FSD1L: variants seen among roughly 807,000 people sequenced by gnomAD.
The protein encoded by FSD1L is fibronectin type III and SPRY domain containing 1 like, also known as FSD1-like protein.
In FSD1L, 45 loss-of-function variants were observed where a neutral mutation model predicts 71.6. The observed-to-expected ratio is 0.63, with a 90% CI of 0.49 to 0.81. The LOEUF (loss-of-function observed/expected upper bound fraction) is 0.81. FSD1L is among the 30% of genes least tolerant of loss of function. The probability of loss-of-function intolerance (pLI) is 0.00; values close to 1 mark genes in which losing one functional copy is unlikely to be tolerated. For synonymous variants in FSD1L, 197 were observed against 207.2 expected (o/e 0.95, Z 0.42); for missense variants, 561 against 618.1 (o/e 0.91, Z 0.98).
At chr9:105,473,809 C>T (rs1047586592) in intron 5 of FSD1L, among the ~76,000 whole-genome samples, 1 of 152,188 alleles carries the variant, frequency 6.6e-6, no homozygotes, top group African/African-American at 2.4e-5. Flanking sequence ...TGTCTTCTTT[C>T]TCCCAAATGC....
intron 10 of FSD1L, among the ~76,000 whole-genome samples, chr9:105,533,254 GTT>G (rs1044430601): frequency 2.0e-5 from 3 of 151,642 alleles, no homozygotes; most frequent in African/African-American, 7.3e-5. Flanking sequence ...TCTGTTTTGA[GTT>G]TTTGAATGTT....
At chr9:105,460,158 C>T (rs540578937) in intron 1 of FSD1L, among the ~76,000 whole-genome samples, 1 of 152,162 alleles carries the variant, frequency 6.6e-6, no homozygotes, top group Non-Finnish European at 1.5e-5. Flanking sequence ...ATATCATTCC[C>T]CTAAAGGCTT....
intron 10 of FSD1L, among the ~76,000 whole-genome samples, chr9:105,514,030 A>C (rs574175581): frequency 3.9e-5 from 6 of 152,314 alleles, no homozygotes; most frequent in African/African-American, 1.4e-4. Context: ...CTGTTTTATA[A>C]TAATTAGGCA....
rs555281082 is a variant in FSD1L at position 105,533,971 on chromosome 9, C to T, written c.1026-522C>T. ...CTCCCGACCTCAGGTGATCCTCCTG[C>T]CTTGGCGCCTCCCAAAGTGCTGGGA... On this transcript the variant is annotated intron_variant, in intron 10 of 13. Coordinates refer to ENST00000481272, the MANE Select transcript of FSD1L (RefSeq NM_001145313.3). 1.5e-4 allele frequency among the ~76,000 whole-genome samples: 23 copies of T among 152,254 alleles called. No homozygotes were observed. The South Asian group carries it at 4.3e-3, about 29-fold the overall frequency.
chr9:105,530,771 A>G, intron 10 of FSD1L: 1 of 516,052 alleles, frequency 1.9e-6, no homozygotes, highest in South Asian at 2.9e-5. Flanking sequence ...GTTGACAATC[A>G]TTGATTTATT....
intron 7 of FSD1L, among the ~76,000 whole-genome samples, chr9:105,492,942 G>C (rs984069052): frequency 3.9e-5 from 6 of 152,114 alleles, no homozygotes; most frequent in African/African-American, 1.4e-4. Flanking sequence ...TTTTGGAATA[G>C]GTGTGGTGTG....
At chr9:105,460,155 T>A (rs760577374) in intron 1 of FSD1L, among the ~76,000 whole-genome samples, 30 of 152,222 alleles carry the variant, frequency 2.0e-4, no homozygotes, top group Non-Finnish European at 3.8e-4. Flanking sequence ...AGGATATCAT[T>A]CCCCTAAAGG....
At chr9:105,479,439 A>G (rs528632632) in intron 6 of FSD1L, 63 bp downstream of exon 6, 15 of 1,361,078 alleles carry the variant, frequency 1.1e-5, no homozygotes, top group African/African-American at 7.3e-5. Flanking sequence ...AAATTCAGAA[A>G]TAGTTTTTTA....
intron 10 of FSD1L, among the ~76,000 whole-genome samples, chr9:105,534,078 T>C (rs1056791596): frequency 1.3e-5 from 2 of 152,192 alleles, no homozygotes; most frequent in Admixed American, 6.5e-5. Context: ...TCACTGCTTA[T>C]AAAAAGAGTT....
rs889340269 is a variant in FSD1L at position 105,526,077 on chromosome 9, T to G, written c.1026-8416T>G. 19 of 1,516,850 alleles carry G rather than the reference T, an allele frequency of 1.3e-5. No individual in the cohort carries two copies. In the African/African-American group the frequency reaches 2.2e-4, roughly 18 times the overall value. The allele number at this position is 1,516,850 out of a possible 1,614,324, so 94.0% of individuals were successfully genotyped here. The stretch of plus-strand genomic sequence containing the variant: ...CAATGAAAAATCACATGTTCAGTAT[T>G]CAGATAATGAGAAAACCAGAGGTTC... On this transcript the variant is annotated intron_variant, in intron 10 of 13. Coordinates refer to ENST00000481272, the MANE Select transcript of FSD1L (RefSeq NM_001145313.3).
At chr9:105,495,747 C>T (rs559429913) in intron 7 of FSD1L, among the ~76,000 whole-genome samples, 5 of 152,278 alleles carry the variant, frequency 3.3e-5, no homozygotes, top group East Asian at 1.9e-4. Flanking sequence ...GAGCCCGAGG[C>T]GGGCAGATCA....
chr9:105,452,676 T>TTCCC (rs58018022), intron 1 of FSD1L, among the ~76,000 whole-genome samples: 12 of 137,382 alleles, frequency 8.7e-5, no homozygotes, highest in Non-Finnish European at 1.7e-4. Context: ...CCTGCCTTCC[T>TTCCC]TCCTTCCTTC....
At chr9:105,492,468 T>A (rs1440481508) in intron 7 of FSD1L, among the ~76,000 whole-genome samples, 2 of 152,318 alleles carry the variant, frequency 1.3e-5, no homozygotes, top group East Asian at 3.9e-4. Flanking sequence ...TTCATTAATT[T>A]TTTGAAGGGT....
chr9:105,443,573 T>G (rs545621176), upstream of FSD1L, among the ~76,000 whole-genome samples: 10 of 152,062 alleles, frequency 6.6e-5, no homozygotes, highest in South Asian at 1.9e-3. Context: ...GATCAGAAAT[T>G]TTTGCTTTGA....
intron 9 of FSD1L, 85 bp downstream of exon 9, chr9:105,508,800 G>A: frequency 2.6e-6 from 2 of 771,366 alleles, no homozygotes; most frequent in South Asian, 1.8e-5. Context: ...AGCACTTCAT[G>A]TGATGTTGAA....
chr9:105,530,950 AAC>A (rs996119042), intron 10 of FSD1L: 2 of 173,072 alleles, frequency 1.2e-5, no homozygotes, highest in African/African-American at 4.7e-5. Context: ...GGTTCCTAGC[AAC>A]AGTTAGTTCC....
intron 10 of FSD1L, chr9:105,525,709 G>T (rs924179034): frequency 8.7e-6 from 14 of 1,606,390 alleles, no homozygotes; most frequent in Middle Eastern, 1.7e-4. Context: ...AGGACAAGAA[G>T]ACAAACACTC....
Position 105,522,682 on chromosome 9 carries a change from C to T in FSD1L, c.1025+9746C>T, listed in dbSNP as rs1023976713. ...TTGGAACCATTCACTGTTGAACGAG[C>T]CAAAGTCAATAAAGAGGACATGAGC... is the stretch of plus-strand genomic sequence containing the variant. On this transcript the variant is annotated intron_variant, in intron 10 of 13. Transcript: ENST00000481272. 5 of 1,611,632 alleles carry T rather than the reference C, an allele frequency of 3.1e-6. No individual in the cohort carries two copies. The Admixed American group carries it at 8.3e-5, about 27-fold the overall frequency.
upstream of FSD1L, among the ~76,000 whole-genome samples, chr9:105,446,531 AT>A (rs113095314): frequency 2.8e-3 from 404 of 144,036 alleles, 2 homozygotes; most frequent in South Asian, 7.1e-3. Context: ...CGTCTGGCTA[AT>A]TTTTTTTTTT....
Sources: allele counts gnomAD v4.1 joint callset (sites outside exome capture counted in the v4.1 genomes callset), GRCh38; gene constraint gnomAD v4.1.1; transcripts MANE v1.5; gene names NCBI Gene and HGNC (gene_info 2026-07-23, HGNC 2026-07-21).